Variants in PCDHA5 observed in about 807,000 individuals in gnomAD.
The protein encoded by PCDHA5 is protocadherin alpha 5.
In PCDHA5, 43 loss-of-function variants were observed where a neutral mutation model predicts 61.6. The ratio of observed to expected loss-of-function variants is 0.70; its 90% CI spans 0.55 to 0.90. The LOEUF is 0.90. PCDHA5 is among the 40% of genes least tolerant of loss of function. The pLI, the probability that PCDHA5 is intolerant of heterozygous loss-of-function variation, is 0.00. For missense variants in PCDHA5, 1,298 were observed against 1,222.7 expected (o/e 1.06, Z -0.92); for synonymous variants, 627 against 543.9 (o/e 1.15, Z -2.13).
intron 1 of PCDHA5, among the ~76,000 whole-genome samples, chr5:140,919,139 C>T (rs1294020429): frequency 6.6e-6 from 1 of 152,120 alleles, no homozygotes; most frequent in Non-Finnish European, 1.5e-5. Context: ...TTTTGGGGCT[C>T]TATTATTAGA....
chr5:140,994,665 A>G (rs555985538), intron 3 of PCDHA5, among the ~76,000 whole-genome samples: 1 of 152,294 alleles, frequency 6.6e-6, no homozygotes, highest in East Asian at 1.9e-4. Flanking sequence ...AGATCACACT[A>G]CTGCACTCCA....
Position 140,849,058 on chromosome 5 carries a change from A to T in PCDHA5, c.2352+24931A>T, listed in dbSNP as rs1222593356. 1.9e-6 allele frequency: 3 copies of T among 1,550,796 alleles called. No homozygotes were observed. In the African/African-American group the frequency reaches 4.5e-5, roughly 23 times the overall value. ...CTGGACGTGCCAACCAGCAACCAGC[A>T]GGTAAAACCTCTTGGACTTGTATTA... On this transcript the variant is annotated intron_variant, in intron 1 of 3. Coordinates refer to ENST00000529859, the MANE Select transcript of PCDHA5 (RefSeq NM_018908.3).
At chr5:140,915,581 A>G (rs1563006188) in intron 1 of PCDHA5, among the ~76,000 whole-genome samples, 1 of 151,994 alleles carries the variant, frequency 6.6e-6, no homozygotes, top group Non-Finnish European at 1.5e-5. Flanking sequence ...GCCAGGCAAA[A>G]GCACTTGTTC....
rs202007975 is a variant in PCDHA5 at position 140,850,558 on chromosome 5, G to A, written c.2352+26431G>A. The A allele has an allele frequency of 5.2e-4, 834 of 1,598,326 alleles. 75 individuals carry two copies. The highest frequency in any genetic ancestry group is 6.1e-4 in the Non-Finnish European group (716 of 1,167,818). ...TCGCGGGCGTCAGTGGGTGCCACGGGCCCCGAGGTGACGCTGGTGGATGTC... is the reference window on the plus strand; with the variant it reads ...TCGCGGGCGTCAGTGGGTGCCACGGACCCCGAGGTGACGCTGGTGGATGTC... On this transcript the variant is annotated intron_variant, in intron 1 of 3. Transcript: ENST00000529859.
intron 1 of PCDHA5, among the ~76,000 whole-genome samples, chr5:140,954,496 T>G (rs571286912): frequency 2.3e-4 from 35 of 152,256 alleles, no homozygotes; most frequent in Non-Finnish European, 2.8e-4. Context: ...CATTGTGGTT[T>G]TGATTTGCAT....
chr5:140,945,275 A>G (rs1205952276), intron 1 of PCDHA5, among the ~76,000 whole-genome samples: 2 of 152,186 alleles, frequency 1.3e-5, no homozygotes, highest in Non-Finnish European at 2.9e-5. Context: ...TGAAAACTTT[A>G]AAACATTGAT....
chr5:140,876,195 G>T lies in PCDHA5; in HGVS notation c.2352+52068G>T, dbSNP rs1554168359. On this transcript the variant is annotated intron_variant, in intron 1 of 3. Transcript: ENST00000529859. The stretch of plus-strand genomic sequence containing the variant: ...TGGATGTGAATGACAATGGTCCGGC[G>T]TTTGATAAGCCCAGCTATAAAGTAG... 4 of 1,613,946 alleles carry T rather than the reference G, an allele frequency of 2.5e-6. No homozygotes were observed. In the South Asian group the frequency reaches 4.4e-5, roughly 18 times the overall value.
intron 1 of PCDHA5, chr5:140,860,741 A>G (rs1051390184): frequency 2.0e-5 from 3 of 152,018 alleles, no homozygotes; most frequent in Non-Finnish European, 2.9e-5. Context: ...TTTGTTTTTT[A>G]TTTTTTATTT....
chr5:140,842,182 T>A (rs200850648), intron 1 of PCDHA5: 1 of 1,613,440 alleles, frequency 6.2e-7, no homozygotes, highest in Non-Finnish European at 8.5e-7. Flanking sequence ...TTGTTGAAAC[T>A]ATGGTTATTG....
At chr5:140,875,264 C>T (rs1017689371) in intron 1 of PCDHA5, 10 of 1,189,206 alleles carry the variant, frequency 8.4e-6, no homozygotes, top group Non-Finnish European at 1.0e-5. Flanking sequence ...TGATGTCGCT[C>T]TACACTCAGA....
At chr5:140,870,848 G>A in intron 1 of PCDHA5, 1 of 1,613,876 alleles carries the variant, frequency 6.2e-7, no homozygotes, top group East Asian at 2.2e-5. Context: ...CTAGTACCGC[G>A]GTCGGTGGGT....
intron 1 of PCDHA5, among the ~76,000 whole-genome samples, chr5:140,920,418 G>C (rs1355987486): frequency 6.6e-6 from 1 of 151,868 alleles, no homozygotes; most frequent in Non-Finnish European, 1.5e-5. Flanking sequence ...AGATACAGCT[G>C]TTCTCCCACA....
At chr5:140,921,726 A>C (rs1278671755) in intron 1 of PCDHA5, among the ~76,000 whole-genome samples, 1 of 152,170 alleles carries the variant, frequency 6.6e-6, no homozygotes, top group East Asian at 1.9e-4. Flanking sequence ...AATTACTCCC[A>C]TAAAAATTAT....
chr5:140,836,548 G>C (rs2150263673), intron 1 of PCDHA5: 1 of 1,613,752 alleles, frequency 6.2e-7, no homozygotes, highest in South Asian at 1.1e-5. Flanking sequence ...ACGGCGTTGC[G>C]GTGCTCAGCG....
chr5:140,888,088 C>G (rs941828532), intron 1 of PCDHA5, among the ~76,000 whole-genome samples: 3 of 151,906 alleles, frequency 2.0e-5, no homozygotes, highest in African/African-American at 4.8e-5. Flanking sequence ...ACATTTTTGT[C>G]CTTAGTTTGC....
intron 1 of PCDHA5, chr5:140,883,569 C>A (rs781786717): frequency 1.9e-6 from 3 of 1,614,134 alleles, no homozygotes; most frequent in South Asian, 2.2e-5. Flanking sequence ...GGCTCGCCTT[C>A]GCTGTGGGCC....
chr5:140,979,585 G>T (rs1486792990), intron 2 of PCDHA5, among the ~76,000 whole-genome samples: 1 of 152,156 alleles, frequency 6.6e-6, no homozygotes, highest in Non-Finnish European at 1.5e-5. Context: ...TCCAAATCTA[G>T]CTTACTTTAA....
chr5:140,833,598 C>T (rs1772539166), intron 1 of PCDHA5, among the ~76,000 whole-genome samples: 1 of 152,154 alleles, frequency 6.6e-6, no homozygotes, highest in African/African-American at 2.4e-5. Context: ...TATATAGATT[C>T]TGCTAAAGCA....
At chr5:140,863,088 CACG>C (rs782667679) in intron 1 of PCDHA5, 19 of 574,542 alleles carry the variant, frequency 3.3e-5, no homozygotes, top group Admixed American at 1.7e-4. Context: ...GCGAGATCAG[CACG>C]ACGAGTACCC....
Sources: allele counts gnomAD v4.1 joint callset (sites outside exome capture counted in the v4.1 genomes callset), GRCh38; gene constraint gnomAD v4.1.1; transcripts MANE v1.5; gene names NCBI Gene and HGNC (gene_info 2026-07-23, HGNC 2026-07-21).